Variants in SELENOI observed in about 807,000 individuals in gnomAD.
SELENOI encodes the protein ethanolaminephosphotransferase 1.
SELENOI carries 24 observed loss-of-function variants against 50.7 expected under a neutral mutation model. The ratio of observed to expected loss-of-function variants is 0.47; its 90% CI spans 0.34 to 0.67. The LOEUF (loss-of-function observed/expected upper bound fraction) is 0.67, where lower values mean the gene tolerates loss of function less well. SELENOI is among the 30% of genes least tolerant of loss of function. SELENOI has a pLI of 0.01. For missense variants in SELENOI, 352 were observed against 461.4 expected, an observed-to-expected ratio of 0.76 and a Z score of 2.17; for synonymous variants, 155 against 170.2, an observed-to-expected ratio of 0.91 and a Z score of 0.70.
chr2:26,378,653 C>T (rs1336869650), intron 6 of SELENOI, among the ~76,000 whole-genome samples: 1 of 152,192 alleles, frequency 6.6e-6, no homozygotes, highest in African/African-American at 2.4e-5. Flanking sequence ...AGTTGTTCCC[C>T]AGTGTTTCAA....
intron 6 of SELENOI, among the ~76,000 whole-genome samples, chr2:26,375,434 AG>A (rs1456464415): frequency 6.6e-6 from 1 of 152,216 alleles, no homozygotes; most frequent in Non-Finnish European, 1.5e-5. Flanking sequence ...GCTGTATTGG[AG>A]GGTCCACATT....
At position 26,392,909 on chromosome 2, in the gene SELENOI, G is replaced by A. The variant is rs1678002623; in HGVS notation, c.*3806G>A. On this transcript the variant is annotated 3_prime_UTR_variant, in exon 10 of 10. Transcript: ENST00000260585. ...GTGGGTGAATAACTTTAGTAAGTTAGCTGCCAGCATTAGAACCTTCCAGGA... is the reference window on the plus strand; with the variant it reads ...GTGGGTGAATAACTTTAGTAAGTTAACTGCCAGCATTAGAACCTTCCAGGA... 6.6e-6 allele frequency: 1 copy of A among 152,200 alleles called. No homozygotes were observed. Among genetic ancestry groups the A allele is most frequent in the Non-Finnish European group, 1.5e-5 (1 of 68,038 alleles). 9.4% of individuals were successfully genotyped at this position (152,200 alleles called of 1,614,324 possible). A position where few individuals can be genotyped will look rare whatever the true frequency, so the allele number is the denominator to read the frequency against.
At chr2:26,372,692 G>A (rs1347854274) in intron 4 of SELENOI, among the ~76,000 whole-genome samples, 1 of 152,124 alleles carries the variant, frequency 6.6e-6, no homozygotes, top group Non-Finnish European at 1.5e-5. Context: ...AATTACTATG[G>A]CATGTTCGCT....
chr2:26,364,324 C>A lies in SELENOI; in HGVS notation c.80C>A (p.Pro27Gln). 6.4e-7 allele frequency: 1 copy of A among 1,559,682 alleles called. No homozygotes were observed. The highest frequency in any genetic ancestry group is 8.7e-7 in the Non-Finnish European group (1 of 1,149,104). The part of the protein sequence containing the change: ...KYKYSAVDTN[P>Q]LSLYVMHPFW... Reference sequence around the variant, plus strand: ...CAGTACAGTGCTGTGGATACCAATCCACTTTCTCTGTATGTCATGCATCCA... The same window carrying A: ...CAGTACAGTGCTGTGGATACCAATCAACTTTCTCTGTATGTCATGCATCCA... Residue 27 changes from proline (P) to glutamine (Q), a missense_variant, in exon 2 of 10, where the codon CCA becomes CAA. Coordinates refer to ENST00000260585, the MANE Select transcript of SELENOI (RefSeq NM_033505.4).
chr2:26,362,742 C>T (rs1383601795), intron 1 of SELENOI, among the ~76,000 whole-genome samples: 5 of 151,270 alleles, frequency 3.3e-5, no homozygotes, highest in Admixed American at 6.6e-5. Flanking sequence ...GGTGACAGAG[C>T]GACTCTGTCT....
intron 1 of SELENOI, among the ~76,000 whole-genome samples, chr2:26,352,010 G>A (rs949332738): frequency 6.6e-6 from 1 of 152,024 alleles, no homozygotes; most frequent in Non-Finnish European, 1.5e-5. Flanking sequence ...GTGTTATGGC[G>A]CATACCTGTG....
intron 5 of SELENOI, among the ~76,000 whole-genome samples, chr2:26,374,817 G>A (rs773680507): frequency 1.6e-4 from 25 of 152,078 alleles, no homozygotes; most frequent in Admixed American, 7.9e-4. Flanking sequence ...TGATCTGCCC[G>A]TCTTGGCCTC....
chr2:26,365,797 T>C (rs1261693509), intron 3 of SELENOI, among the ~76,000 whole-genome samples: 1 of 5,588 alleles, frequency 1.8e-4, no homozygotes, highest in East Asian at 4.5e-4. Context: ...ACTTAAGACT[T>C]TTTTTTTTTT....
intron 1 of SELENOI, among the ~76,000 whole-genome samples, chr2:26,356,184 G>A (rs1372810932): frequency 2.0e-5 from 3 of 152,070 alleles, no homozygotes; most frequent in African/African-American, 7.2e-5. Flanking sequence ...TTAGAAATAA[G>A]ATCTCCCTCT....
At chr2:26,367,885 CTTTA>C (rs1021727189) in intron 4 of SELENOI, among the ~76,000 whole-genome samples, 9 of 152,114 alleles carry the variant, frequency 5.9e-5, no homozygotes, top group African/African-American at 2.2e-4. Flanking sequence ...TCCTTCCCTG[CTTTA>C]TTTTTCTCCA....
Position 26,390,329 on chromosome 2 carries a change from G to A in SELENOI, c.*1226G>A, listed in dbSNP as rs1677936678. On this transcript the variant is annotated 3_prime_UTR_variant, in exon 10 of 10. Transcript: ENST00000260585. ...TGTCTTCATTTAATTTGGTGGTGGT[G>A]AACTTTACTTGCTGATTTTCTTTTA... 6.6e-6 allele frequency: 1 copy of A among 152,348 alleles called. No homozygotes were observed. Among genetic ancestry groups the A allele is most frequent in the East Asian group, 1.9e-4 (1 of 5,196 alleles). 9.4% of individuals were successfully genotyped at this position (152,348 alleles called of 1,614,324 possible). A position where few individuals can be genotyped will look rare whatever the true frequency, so the allele number is the denominator to read the frequency against.
chr2:26,348,516 G>A (rs1311074920), intron 1 of SELENOI, among the ~76,000 whole-genome samples: 4 of 152,240 alleles, frequency 2.6e-5, no homozygotes, highest in Non-Finnish European at 4.4e-5. Flanking sequence ...GAAACTATAA[G>A]ACAATTGATT....
intron 3 of SELENOI, among the ~76,000 whole-genome samples, chr2:26,365,859 T>C (rs1677277007): frequency 6.7e-6 from 1 of 149,830 alleles, no homozygotes; most frequent in Admixed American, 6.8e-5. Flanking sequence ...TGGAGTACAA[T>C]GATGCCATCT....
chr2:26,380,855 A>G (rs1677676972), intron 6 of SELENOI, among the ~76,000 whole-genome samples: 1 of 152,002 alleles, frequency 6.6e-6, no homozygotes, highest in African/African-American at 2.4e-5. Context: ...TACAGTTTTA[A>G]TTTGCCTTTC....
chr2:26,391,610 G>T lies in SELENOI; in HGVS notation c.*2507G>T, dbSNP rs1430228143. On this transcript the variant is annotated 3_prime_UTR_variant, in exon 10 of 10. Transcript: ENST00000260585. Reference sequence around the variant, plus strand: ...TAAGGAGCATACGTGCATGTTTTCCGTACTTTCAGAATAGAGTGCCTTAGC... The same window carrying T: ...TAAGGAGCATACGTGCATGTTTTCCTTACTTTCAGAATAGAGTGCCTTAGC... 8 of 152,130 alleles carry T rather than the reference G, an allele frequency of 5.3e-5. No individual in the cohort carries two copies. Among genetic ancestry groups the T allele is most frequent in the Non-Finnish European group, 1.2e-4 (8 of 68,036 alleles). 9.4% of individuals were successfully genotyped at this position (152,130 alleles called of 1,614,324 possible).
chr2:26,366,049 C>A (rs1252890369), intron 3 of SELENOI, among the ~76,000 whole-genome samples: 1 of 152,164 alleles, frequency 6.6e-6, no homozygotes, highest in Non-Finnish European at 1.5e-5. Context: ...GATCCACCCG[C>A]CTTGGCCTCC....
intron 4 of SELENOI, among the ~76,000 whole-genome samples, chr2:26,367,542 C>G (rs545346376): frequency 6.6e-5 from 10 of 152,262 alleles, no homozygotes; most frequent in African/African-American, 2.4e-4. Context: ...TGTTTTCCTG[C>G]TATAAAGACA....
At position 26,384,946 on chromosome 2, in the gene SELENOI, T is replaced by C; in HGVS notation, c.732-13T>C. On this transcript the variant is annotated splice_polypyrimidine_tract_variant and intron_variant, in intron 7 of 9. Transcript: ENST00000260585. ...TAATAATGTTCTTTATATTACTTGA[T>C]TTTTTTTTCCAGAAGCTATAAAAAT... 1 of 1,554,630 alleles carries C rather than the reference T, an allele frequency of 6.4e-7. No individual in the cohort carries two copies. Among genetic ancestry groups the C allele is most frequent in the Non-Finnish European group, 8.8e-7 (1 of 1,141,856 alleles).
In SELENOI at chr2:26,391,663, GC is replaced by G. The variant is rs1677973387; in HGVS notation, c.*2561del. ...GGCCAGAGGCTCGTATTGTGTTTCT[GC>G]TGACCAAAGTTGCATACACCTGTAA... On this transcript the variant is annotated 3_prime_UTR_variant, in exon 10 of 10. Transcript: ENST00000260585. The G allele has an allele frequency of 1.3e-5, 2 of 152,096 alleles. No individual in the cohort carries two copies. Among genetic ancestry groups the G allele is most frequent in the African/African-American group, 4.8e-5 (2 of 41,396 alleles). The allele number at this position is 152,096 out of a possible 1,614,324, so 9.4% of individuals were successfully genotyped here. A position where few individuals can be genotyped will look rare whatever the true frequency, so the allele number is the denominator to read the frequency against.
Sources: gnomAD v4.1 joint callset for allele counts (sites outside exome capture counted in the v4.1 genomes callset) on GRCh38, gnomAD v4.1.1 for gene constraint, MANE v1.5 for transcripts, NCBI Gene and HGNC (gene_info 2026-07-23, HGNC 2026-07-21) for gene names.